The following BAZ1B variants were observed in gnomAD, a reference collection of about 807,000 sequenced individuals.
The protein encoded by BAZ1B is tyrosine-protein kinase BAZ1B.
BAZ1B carries 22 observed loss-of-function variants against 153.8 expected under a neutral mutation model. The ratio of observed to expected loss-of-function variants is 0.14; its 90% CI spans 0.10 to 0.20. The LOEUF is 0.20. Ranked by LOEUF, BAZ1B falls within the 10% of genes least tolerant of loss-of-function variation. The pLI is 1.00. For synonymous variants in BAZ1B, 676 were observed against 633.4 expected, an observed-to-expected ratio of 1.07 and a Z score of -1.01; for missense variants, 1,325 against 1,799.3, an observed-to-expected ratio of 0.74 and a Z score of 4.77.
intron 6 of BAZ1B, among the ~76,000 whole-genome samples, chr7:73,482,132 T>C (rs565033236): frequency 6.6e-6 from 1 of 152,222 alleles, no homozygotes; most frequent in East Asian, 1.9e-4. Flanking sequence ...AGAGGCTTTA[T>C]AGCTTTACAA....
In BAZ1B at chr7:73,450,918, C is replaced by G; in HGVS notation, c.3509G>C (p.Gly1170Ala). ...CCACTTGATACAGGCATCAAGCATC[C>G]CAAGCAGCACGTGCATCCTGGAGAA... ...QTFSRMHVLL[G>A]MLDACIKWDM... is the part of the protein sequence containing the mutation. Residue 1170 changes from glycine (G) to alanine (A), a missense_variant, in exon 14 of 20, where the codon GGG (glycine) becomes GCG (alanine). By Grantham distance (60) the Gly-to-Ala change is moderately conservative. Transcript: ENST00000339594. The surrounding 1 kb of genome is among the most constrained non-coding windows in gnomAD (Gnocchi z 4.1). The G allele has an allele frequency of 6.2e-7, 1 of 1,614,102 alleles. No homozygotes were observed.
At chr7:73,460,468 G>C (rs1216622525) in intron 12 of BAZ1B, among the ~76,000 whole-genome samples, 2 of 151,890 alleles carry the variant, frequency 1.3e-5, no homozygotes, top group African/African-American at 2.4e-5. Context: ...ATGTAAGGTA[G>C]TATGTTTTAC....
intron 3 of BAZ1B, among the ~76,000 whole-genome samples, chr7:73,501,271 C>CAAAACA (rs1307192589): frequency 1.3e-5 from 2 of 151,990 alleles, no homozygotes; most frequent in African/African-American, 2.4e-5. Context: ...CAAAACAAAA[C>CAAAACA]AAAACAAAAA....
At chr7:73,462,785 C>T in intron 12 of BAZ1B, 137 bp downstream of exon 12, 3 of 940,684 alleles carry the variant, frequency 3.2e-6, no homozygotes, top group Non-Finnish European at 4.9e-6. Flanking sequence ...ATTTTTGGTT[C>T]CATACATGTC....
At chr7:73,443,688 C>T (rs1554565625) in intron 17 of BAZ1B, among the ~76,000 whole-genome samples, 1 of 152,176 alleles carries the variant, frequency 6.6e-6, no homozygotes. Context: ...AGACCCAGCC[C>T]CTCTGAGCCC....
chr7:73,459,403 A>C (rs533539388), intron 13 of BAZ1B, 133 bp downstream of exon 13: 63 of 823,764 alleles, frequency 7.6e-5, no homozygotes, highest in Admixed American at 3.9e-4. Context: ...AAAAAAAAAA[A>C]CACACACACA....
intron 1 of BAZ1B, among the ~76,000 whole-genome samples, 184 bp from the exon 2 acceptor site, chr7:73,511,036 C>T (rs1320275888): frequency 6.6e-6 from 1 of 152,128 alleles, no homozygotes; most frequent in East Asian, 1.9e-4. Flanking sequence ...CTTTGGGAGG[C>T]CGAGGCGGGC....
intron 6 of BAZ1B, among the ~76,000 whole-genome samples, chr7:73,479,944 C>G (rs2116345754): frequency 6.6e-6 from 1 of 152,158 alleles, no homozygotes; most frequent in African/African-American, 2.4e-5. Flanking sequence ...CCAAGGCGGG[C>G]TGATCACAAG....
Position 73,477,680 on chromosome 7 carries a change from C to T in BAZ1B, c.1781G>A (p.Arg594Lys). The T allele has an allele frequency of 1.2e-6, 2 of 1,614,214 alleles. No individual in the cohort carries two copies. The highest frequency in any genetic ancestry group is 1.7e-6 in the Non-Finnish European group (2 of 1,180,034). Residue 594 changes from arginine (R) to lysine (K), a missense_variant, in exon 7 of 20, where the codon AGA (arginine) becomes AAA (lysine). Physicochemically the swap from Arg to Lys is conservative, Grantham distance 26. Coordinates refer to ENST00000339594, the MANE Select transcript of BAZ1B (RefSeq NM_032408.4). The surrounding 1 kb of genome is among the most constrained non-coding windows in gnomAD (Gnocchi z 5.6). ...CAGCCCTTCAGGGGTATCCACCAAT[C>T]TGAATGCTGGAAGGTTTTTGCCAGT... is the stretch of plus-strand genomic sequence containing the variant. ...ELTGKNLPAF[R>K]LVDTPEGLPN... is the part of the protein sequence containing the mutation.
chr7:73,449,780 C>T, intron 14 of BAZ1B, 91 bp from the exon 15 acceptor site: 1 of 1,387,672 alleles, frequency 7.2e-7, no homozygotes, highest in Middle Eastern at 2.0e-4. Flanking sequence ...CAATTCAAGG[C>T]ACACGAGGAG....
At chr7:73,492,720 C>T (rs1554575729) in intron 5 of BAZ1B, 80 bp downstream of exon 5, 7 of 1,392,874 alleles carry the variant, frequency 5.0e-6, no homozygotes, top group Non-Finnish European at 5.8e-6. Flanking sequence ...TTCTTCAGCA[C>T]ATTTTCTCCA....
intron 13 of BAZ1B, 79 bp from the exon 14 acceptor site, chr7:73,451,073 T>A (rs1489011948): frequency 6.6e-6 from 10 of 1,525,386 alleles, no homozygotes; most frequent in South Asian, 1.2e-5. Flanking sequence ...GGGGACAGTA[T>A]GAGAGAATTC....
chr7:73,467,649 G>A (rs1554571380), intron 9 of BAZ1B, among the ~76,000 whole-genome samples: 1 of 152,200 alleles, frequency 6.6e-6, no homozygotes, highest in Non-Finnish European at 1.5e-5. Flanking sequence ...GGGATTATAG[G>A]CATCAGCCAC....
chr7:73,459,489 C>A (rs782520700), intron 13 of BAZ1B, 47 bp downstream of exon 13: 5 of 1,574,928 alleles, frequency 3.2e-6, no homozygotes, highest in Non-Finnish European at 4.3e-6. Flanking sequence ...AAAACCAAAT[C>A]AACTCATCTA....
chr7:73,468,396 T>G (rs1788673318), intron 9 of BAZ1B, among the ~76,000 whole-genome samples: 1 of 151,438 alleles, frequency 6.6e-6, no homozygotes, highest in Admixed American at 6.6e-5. Flanking sequence ...ACTATCTTCC[T>G]CATCAGTGTC....
intron 6 of BAZ1B, among the ~76,000 whole-genome samples, chr7:73,482,508 G>A (rs1252779392): frequency 6.6e-6 from 1 of 152,168 alleles, no homozygotes; most frequent in Non-Finnish European, 1.5e-5. Flanking sequence ...ATCCTAAAAT[G>A]AAATTTATCG....
chr7:73,508,679 G>A (rs530660639), intron 2 of BAZ1B, among the ~76,000 whole-genome samples: 21 of 152,236 alleles, frequency 1.4e-4, no homozygotes, highest in African/African-American at 5.1e-4. Context: ...TCAGGTAGCT[G>A]GGACCACAGG....
rs1219605721 is a variant in BAZ1B, at chr7:73,478,133, A to G, written c.1328T>C (p.Met443Thr). Residue 443 changes from methionine to threonine, a missense_variant, in exon 7 of 20, where the codon ATG (methionine) becomes ACG (threonine). Physicochemically the swap from Met to Thr is moderately conservative, Grantham distance 81 (BLOSUM62 -1). This residue lies in a region of BAZ1B where 219 missense variants were observed against 248.2 expected (regional missense o/e 0.88). Coordinates refer to ENST00000339594, the MANE Select transcript of BAZ1B (RefSeq NM_032408.4). ...TGTCATCTTCTGCGTGCCTTTGGCC[A>G]TATCCAACAAAGTCATCTGCTTCAT... ...TKMKQMTLLD[M>T]AKGTQKMTRA... 6.2e-7 allele frequency: 1 copy of G among 1,614,072 alleles called. No homozygotes were observed. Among genetic ancestry groups the G allele is most frequent in the African/African-American group, 1.3e-5 (1 of 74,920 alleles).
At chr7:73,462,586 T>C in intron 12 of BAZ1B, 1 of 301,892 alleles carries the variant, frequency 3.3e-6, no homozygotes, top group Non-Finnish European at 6.3e-6. Context: ...TGCAAGCATG[T>C]TTCACACCTG....
Sources: gnomAD v4.1 joint callset for allele counts (sites outside exome capture counted in the v4.1 genomes callset) on GRCh38, gnomAD v4.1.1 for gene constraint, gnomAD v4.1.1 regional missense constraint, Gnocchi (gnomAD v3.1) non-coding constraint, MANE v1.5 for transcripts, NCBI Gene and HGNC (gene_info 2026-07-23, HGNC 2026-07-21) for gene names.